TRPS1: variants seen among roughly 807,000 people sequenced by gnomAD.
The protein encoded by TRPS1 is transcriptional repressor GATA binding 1.
A neutral mutation model predicts 101.2 loss-of-function variants in TRPS1; 6 were observed. The observed-to-expected ratio is 0.06, with a 90% CI of 0.03 to 0.12. TRPS1 has a LOEUF of 0.12. Ranked by LOEUF, TRPS1 falls within the 10% of genes least tolerant of loss-of-function variation. TRPS1 has a pLI of 1.00. For synonymous variants in TRPS1, 578 were observed against 589.8 expected (o/e 0.98, Z 0.29); for missense variants, 1,363 against 1,567.0 (o/e 0.87, Z 2.20).
At chr8:115,589,008 G>T (rs1817627003) in intron 4 of TRPS1, among the ~76,000 whole-genome samples, 1 of 152,174 alleles carries the variant, frequency 6.6e-6, no homozygotes, top group Non-Finnish European at 1.5e-5. Context: ...ATAGTAATTG[G>T]TATAAAGGGC....
chr8:115,552,136 C>T (rs769853943), intron 5 of TRPS1, among the ~76,000 whole-genome samples: 6 of 152,152 alleles, frequency 3.9e-5, no homozygotes, highest in African/African-American at 7.2e-5. Flanking sequence ...TAATTTAACA[C>T]TGTCAAAAAA....
At chr8:115,622,963 T>C (rs965901024) in intron 2 of TRPS1, among the ~76,000 whole-genome samples, 1 of 152,152 alleles carries the variant, frequency 6.6e-6, no homozygotes, top group Non-Finnish European at 1.5e-5. Context: ...AATTAACTTA[T>C]TTTTCAAAAC....
intron 5 of TRPS1, among the ~76,000 whole-genome samples, chr8:115,575,027 T>C (rs1817284738): frequency 6.6e-6 from 1 of 152,114 alleles, no homozygotes; most frequent in Non-Finnish European, 1.5e-5. Context: ...TCTATATACA[T>C]GATCTGGTAA....
At position 115,587,017 on chromosome 8, in the gene TRPS1, G is replaced by T; in HGVS notation, c.2684C>A (p.Ser895Tyr). 6.2e-7 allele frequency: 1 copy of T among 1,614,180 alleles called. No homozygotes were observed. The highest frequency in any genetic ancestry group is 8.5e-7 in the Non-Finnish European group (1 of 1,180,032). The change falls in exon 5 of 7, where the codon TCC becomes TAC. Residue 895 changes from serine to tyrosine, a missense_variant. Physicochemically the swap from Ser to Tyr is moderately radical, Grantham distance 144. Coordinates refer to ENST00000395715, the MANE Select transcript of TRPS1 (RefSeq NM_014112.5). ...ASGENKSKDE[S>Y]QSLLRRRRGS... ...CCATCCTACCCGTAACAGGGACTGG[G>T]ATTCATCCTTGGACTTGTTTTCTCC...
chr8:115,589,969 T>A (rs1266451953), intron 4 of TRPS1, among the ~76,000 whole-genome samples: 9 of 151,956 alleles, frequency 5.9e-5, no homozygotes, highest in African/African-American at 1.2e-4. Flanking sequence ...ATACAAAAAT[T>A]AGCTGGGTGT....
At chr8:115,561,736 C>G (rs1041867593) in intron 5 of TRPS1, among the ~76,000 whole-genome samples, 1 of 151,718 alleles carries the variant, frequency 6.6e-6, no homozygotes, top group Non-Finnish European at 1.5e-5. Context: ...CGAATGCATG[C>G]AAGAAAAATG....
intron 5 of TRPS1, among the ~76,000 whole-genome samples, chr8:115,477,542 C>T (rs1814636877): frequency 6.6e-6 from 1 of 152,182 alleles, no homozygotes; most frequent in South Asian, 2.1e-4. Flanking sequence ...TTGGAAACTC[C>T]AGCACAGAGG....
chr8:115,432,419 TTTAA>T (rs1221171547), intron 5 of TRPS1, among the ~76,000 whole-genome samples: 9 of 151,812 alleles, frequency 5.9e-5, no homozygotes, highest in African/African-American at 2.2e-4. Context: ...CACAATTTTA[TTTAA>T]TTAACTTGTG....
Position 115,539,946 on chromosome 8 carries a change from C to T in TRPS1, c.2700+47055G>A, listed in dbSNP as rs567782631. Among the ~76,000 whole-genome samples the T allele has an allele frequency of 3.9e-5, 6 of 152,312 alleles. No homozygotes were observed. The East Asian group carries it at 1.2e-3, about 29-fold the overall frequency. On this transcript the variant is annotated intron_variant, in intron 5 of 6. Coordinates refer to ENST00000395715, the MANE Select transcript of TRPS1 (RefSeq NM_014112.5). ...AATCTGAAAGCCTGCTCCTAAGAAT[C>T]ATGTTTCTCTCATTCTTCAAAGTCT...
At chr8:115,650,771 C>T (rs779580946) in intron 1 of TRPS1, among the ~76,000 whole-genome samples, 8 of 152,140 alleles carry the variant, frequency 5.3e-5, no homozygotes, top group Middle Eastern at 3.2e-3. Flanking sequence ...CTGAGGGAAA[C>T]GTGAATATTA....
At chr8:115,637,068 G>A (rs949182987) in intron 1 of TRPS1, among the ~76,000 whole-genome samples, 1 of 152,136 alleles carries the variant, frequency 6.6e-6, no homozygotes, top group Non-Finnish European at 1.5e-5. Flanking sequence ...ACAGTTAACA[G>A]AGATGAGAGT....
intron 5 of TRPS1, among the ~76,000 whole-genome samples, chr8:115,551,645 A>G (rs1175560240): frequency 6.6e-6 from 1 of 152,198 alleles, no homozygotes; most frequent in Non-Finnish European, 1.5e-5. Context: ...AATGAATGAA[A>G]TGATTCATAG....
chr8:115,441,574 A>G (rs1349012246), intron 5 of TRPS1, among the ~76,000 whole-genome samples: 2 of 152,200 alleles, frequency 1.3e-5, no homozygotes, highest in African/African-American at 4.8e-5. Context: ...CCTTCCGTCA[A>G]CCACAGCATT....
chr8:115,600,059 G>GT (rs201558081), intron 4 of TRPS1, among the ~76,000 whole-genome samples: 1,634 of 152,218 alleles, frequency 0.011, 28 homozygotes, highest in Middle Eastern at 0.058. Context: ...ATCTCATTGT[G>GT]TTTTTGACTT....
intron 5 of TRPS1, among the ~76,000 whole-genome samples, chr8:115,483,965 C>G (rs970093369): frequency 1.3e-5 from 2 of 152,102 alleles, no homozygotes; most frequent in Admixed American, 1.3e-4. Context: ...AAAATGCTTT[C>G]ACAGAAAAAT....
chr8:115,531,988 G>A (rs886268563), intron 5 of TRPS1, among the ~76,000 whole-genome samples: 3 of 152,034 alleles, frequency 2.0e-5, no homozygotes, highest in Admixed American at 6.6e-5. Flanking sequence ...GAGGAATGAC[G>A]AAATCTGAGG....
At chr8:115,596,698 ATC>A (rs1314212273) in intron 4 of TRPS1, among the ~76,000 whole-genome samples, 5 of 151,850 alleles carry the variant, frequency 3.3e-5, no homozygotes, top group Non-Finnish European at 7.4e-5. Flanking sequence ...ATATACATAT[ATC>A]TATGTGCATA....
intron 1 of TRPS1, among the ~76,000 whole-genome samples, chr8:115,650,297 T>C (rs534403055): frequency 6.6e-6 from 1 of 152,186 alleles, no homozygotes; most frequent in Non-Finnish European, 1.5e-5. Flanking sequence ...CAGAAAAGCA[T>C]GTTGGTATAA....
At chr8:115,491,046 A>G (rs1815008851) in intron 5 of TRPS1, among the ~76,000 whole-genome samples, 1 of 152,212 alleles carries the variant, frequency 6.6e-6, no homozygotes, top group Admixed American at 6.5e-5. Context: ...TTTTGTACTC[A>G]GGATGTCAGT....
Sources: allele counts gnomAD v4.1 joint callset (sites outside exome capture counted in the v4.1 genomes callset), GRCh38; gene constraint gnomAD v4.1.1; transcripts MANE v1.5; gene names NCBI Gene and HGNC (gene_info 2026-07-23, HGNC 2026-07-21).